The following ZMAT4 variants were observed in gnomAD, a reference collection of about 807,000 sequenced individuals.
ZMAT4 encodes zinc finger matrin-type 4.
Under a neutral mutation model 28.7 loss-of-function variants are expected in ZMAT4, and 17 were observed. The observed-to-expected ratio is 0.59, with a 90% confidence interval of 0.41 to 0.89. The LOEUF is 0.89. ZMAT4 is among the 40% of genes least tolerant of loss of function. The pLI, the probability that ZMAT4 is intolerant of heterozygous loss-of-function variation, is 0.00. For missense variants in ZMAT4, 240 were observed against 283.8 expected, an observed-to-expected ratio of 0.85 and a Z score of 1.11; for synonymous variants, 117 against 109.2, an observed-to-expected ratio of 1.07 and a Z score of -0.44.
chr8:40,768,207 G>C (rs1309692366), intron 2 of ZMAT4, among the ~76,000 whole-genome samples: 1 of 152,098 alleles, frequency 6.6e-6, no homozygotes, highest in South Asian at 2.1e-4. Flanking sequence ...TCATTAATAA[G>C]CTATCAAAAG....
intron 1 of ZMAT4, among the ~76,000 whole-genome samples, chr8:40,887,468 G>A (rs114872035): frequency 0.019 from 2,839 of 147,262 alleles, 93 homozygotes; most frequent in African/African-American, 0.068. Flanking sequence ...CAGCCTGAGC[G>A]ACATAGCGAG....
chr8:40,595,824 C>G (rs1370826804), intron 5 of ZMAT4, among the ~76,000 whole-genome samples: 1 of 152,090 alleles, frequency 6.6e-6, no homozygotes, highest in African/African-American at 2.4e-5. Context: ...TGGCTCACTC[C>G]TGTAATCCCA....
At chr8:40,735,693 T>G (rs938759989) in intron 3 of ZMAT4, among the ~76,000 whole-genome samples, 1 of 152,208 alleles carries the variant, frequency 6.6e-6, no homozygotes, top group Admixed American at 6.5e-5. Flanking sequence ...CACAATTTGC[T>G]AAGCATGGTG....
intron 3 of ZMAT4, among the ~76,000 whole-genome samples, chr8:40,749,823 G>C (rs1812384859): frequency 6.6e-6 from 1 of 152,200 alleles, no homozygotes; most frequent in South Asian, 2.1e-4. Flanking sequence ...CCTCACTTTT[G>C]ATCTTATCTC....
intron 5 of ZMAT4, among the ~76,000 whole-genome samples, chr8:40,620,386 G>A (rs1806153126): frequency 6.6e-6 from 1 of 152,184 alleles, no homozygotes. Flanking sequence ...GTGACCTCAG[G>A]CCACAGGATA....
intron 1 of ZMAT4, among the ~76,000 whole-genome samples, chr8:40,875,435 GAGTTAATA>G (rs1818008439): frequency 6.6e-6 from 1 of 152,194 alleles, no homozygotes; most frequent in African/African-American, 2.4e-5. Context: ...TGAAAAGAAA[GAGTTAATA>G]AGCATGGGTG....
intron 3 of ZMAT4, among the ~76,000 whole-genome samples, chr8:40,718,884 G>C (rs143853293): frequency 6.6e-6 from 1 of 152,136 alleles, no homozygotes; most frequent in Non-Finnish European, 1.5e-5. Flanking sequence ...AATTTCTGAT[G>C]ACATTCTTCC....
chr8:40,646,139 T>G (rs902743052), intron 5 of ZMAT4, among the ~76,000 whole-genome samples: 1 of 151,928 alleles, frequency 6.6e-6, no homozygotes, highest in Non-Finnish European at 1.5e-5. Flanking sequence ...TTCTGAAAAT[T>G]TTTGCTTTTT....
intron 1 of ZMAT4, among the ~76,000 whole-genome samples, chr8:40,885,568 A>T (rs62640284): frequency 0.13 from 19,708 of 152,204 alleles, 1,467 homozygotes; most frequent in African/African-American, 0.19. Context: ...TCTGTCACCC[A>T]GGCTGGAGTG....
intron 2 of ZMAT4, among the ~76,000 whole-genome samples, chr8:40,822,363 A>G (rs1815861383): frequency 6.6e-6 from 1 of 152,238 alleles, no homozygotes. Flanking sequence ...GGAAGCTGAG[A>G]AAACTATCAG....
At chr8:40,611,397 G>A (rs56350209) in intron 5 of ZMAT4, among the ~76,000 whole-genome samples, 8,519 of 151,630 alleles carry the variant, frequency 0.056, 344 homozygotes, top group Non-Finnish European at 0.086. Flanking sequence ...CTGTCACCCA[G>A]TGGCGCGATC....
At chr8:40,546,899 C>T (rs971415386) in intron 6 of ZMAT4, among the ~76,000 whole-genome samples, 2 of 152,124 alleles carry the variant, frequency 1.3e-5, no homozygotes, top group Non-Finnish European at 2.9e-5. Context: ...CATCCCACCA[C>T]CAGCGCCTGA....
At chr8:40,624,663 C>A (rs1806308131) in intron 5 of ZMAT4, among the ~76,000 whole-genome samples, 1 of 152,156 alleles carries the variant, frequency 6.6e-6, no homozygotes, top group Admixed American at 6.5e-5. Context: ...AAATTCTTCC[C>A]AGATCTCAGT....
At chr8:40,832,153 C>G (rs1243275102) in intron 1 of ZMAT4, among the ~76,000 whole-genome samples, 3 of 152,014 alleles carry the variant, frequency 2.0e-5, no homozygotes, top group Non-Finnish European at 4.4e-5. Context: ...CTGCCACCTC[C>G]AGCTCGCGAC....
intron 2 of ZMAT4, among the ~76,000 whole-genome samples, chr8:40,816,654 C>T (rs987348202): frequency 6.6e-6 from 1 of 152,074 alleles, no homozygotes; most frequent in Admixed American, 6.5e-5. Flanking sequence ...TGTAGGAAAA[C>T]CAGAAGGTTC....
intron 2 of ZMAT4, among the ~76,000 whole-genome samples, chr8:40,810,590 A>C (rs1387494109): frequency 6.6e-6 from 1 of 152,240 alleles, no homozygotes; most frequent in African/African-American, 2.4e-5. Flanking sequence ...AGAGTTAAAA[A>C]TATGAATATG....
intron 6 of ZMAT4, among the ~76,000 whole-genome samples, chr8:40,571,923 G>A (rs1178307055): frequency 1.3e-5 from 2 of 152,030 alleles, no homozygotes; most frequent in Non-Finnish European, 2.9e-5. Context: ...CGAAGTCTCA[G>A]GTTTCTTGGT....
chr8:40,640,278 C>T (rs1338582719), intron 5 of ZMAT4, among the ~76,000 whole-genome samples: 1 of 152,120 alleles, frequency 6.6e-6, no homozygotes, highest in Non-Finnish European at 1.5e-5. Context: ...GAACTAGCCC[C>T]TTATATCTGT....
intron 2 of ZMAT4, among the ~76,000 whole-genome samples, chr8:40,819,058 C>A (rs1328078725): frequency 1.3e-5 from 2 of 152,046 alleles, no homozygotes; most frequent in African/African-American, 4.8e-5. Context: ...CCAGCTATTC[C>A]CCTGGATTAA....
Sources: allele counts gnomAD v4.1 joint callset (sites outside exome capture counted in the v4.1 genomes callset), GRCh38; gene constraint gnomAD v4.1.1; transcripts MANE v1.5; gene names NCBI Gene and HGNC (gene_info 2026-07-23, HGNC 2026-07-21).